GNG12: variants seen among roughly 807,000 people sequenced by gnomAD.
GNG12 encodes the protein G protein subunit gamma 12.
For missense variants in GNG12, 69 were observed against 83.8 expected (o/e 0.82, Z 0.69); for synonymous variants, 28 against 29.7 (o/e 0.94, Z 0.19).
intron 1 of GNG12, among the ~76,000 whole-genome samples, chr1:67,820,267 T>C (rs1301084147): frequency 1.3e-5 from 2 of 151,920 alleles, no homozygotes; most frequent in African/African-American, 2.4e-5. Flanking sequence ...CATATGCCTA[T>C]AGTCCCAGTT....
chr1:67,705,386 C>T lies in GNG12; in HGVS notation c.*65G>A. On this transcript the variant is annotated 3_prime_UTR_variant, in exon 4 of 4. Coordinates refer to ENST00000370982, the MANE Select transcript of GNG12 (RefSeq NM_018841.6). The stretch of plus-strand genomic sequence containing the variant: ...GTTACCAAATAAGCTGAAGGTAAAT[C>T]TCTTCAAGGAGCTGCTCATAATTTG... The T allele has an allele frequency of 1.3e-6, 2 of 1,579,422 alleles. No homozygotes were observed. The highest frequency in any genetic ancestry group is 1.7e-6 in the Non-Finnish European group (2 of 1,164,768).
intron 1 of GNG12, among the ~76,000 whole-genome samples, chr1:67,806,502 A>G (rs937037299): frequency 5.3e-5 from 8 of 152,104 alleles, no homozygotes; most frequent in Admixed American, 4.6e-4. Flanking sequence ...TGTGGGACTT[A>G]AGTATGTACA....
intron 1 of GNG12, among the ~76,000 whole-genome samples, chr1:67,816,294 A>ATAGAGCGTGCT (rs1646953566): frequency 6.6e-6 from 1 of 152,200 alleles, no homozygotes; most frequent in South Asian, 2.1e-4. Context: ...TAACTGGAGC[A>ATAGAGCGTGCT]TAGAGCGTGC....
intron 3 of GNG12, among the ~76,000 whole-genome samples, 154 bp downstream of exon 3, chr1:67,707,440 T>C (rs1488062837): frequency 1.3e-5 from 2 of 152,012 alleles, no homozygotes; most frequent in Admixed American, 1.3e-4. Context: ...TATAGGAAAA[T>C]GAAAGTTAGG....
chr1:67,825,163 CA>C (rs1405496721), intron 1 of GNG12, among the ~76,000 whole-genome samples: 1 of 152,232 alleles, frequency 6.6e-6, no homozygotes, highest in Non-Finnish European at 1.5e-5. Flanking sequence ...ACTATAAACA[CA>C]ACAGGTGAAT....
chr1:67,772,241 G>A (rs1646679021), intron 2 of GNG12, among the ~76,000 whole-genome samples: 1 of 152,182 alleles, frequency 6.6e-6, no homozygotes, highest in South Asian at 2.1e-4. Context: ...ATAGTCTCCA[G>A]ATTAAGAACT....
chr1:67,832,767 C>A (rs534107020), intron 1 of GNG12, among the ~76,000 whole-genome samples: 1 of 152,186 alleles, frequency 6.6e-6, no homozygotes, highest in African/African-American at 2.4e-5. Context: ...CCCTGCTAGA[C>A]CCCCAGCGCC....
At chr1:67,707,529 G>T (rs1048337077) in intron 3 of GNG12, 65 bp downstream of exon 3, 1 of 867,100 alleles carries the variant, frequency 1.2e-6, no homozygotes. Context: ...CTGACAAGTG[G>T]TCCAGCCACA....
At chr1:67,828,559 C>T (rs1381391220) in intron 1 of GNG12, among the ~76,000 whole-genome samples, 1 of 152,174 alleles carries the variant, frequency 6.6e-6, no homozygotes, top group East Asian at 1.9e-4. Flanking sequence ...AGAAAGGGCT[C>T]AGGATATATA....
At chr1:67,773,258 A>G (rs897207472) in intron 2 of GNG12, among the ~76,000 whole-genome samples, 1 of 152,246 alleles carries the variant, frequency 6.6e-6, no homozygotes, top group African/African-American at 2.4e-5. Flanking sequence ...ATTGTTGCAA[A>G]AAAGTCTAGG....
At chr1:67,807,039 A>AT (rs927099662) in intron 1 of GNG12, among the ~76,000 whole-genome samples, 9 of 152,212 alleles carry the variant, frequency 5.9e-5, no homozygotes, top group Admixed American at 1.3e-4. Flanking sequence ...ACACTGGGCC[A>AT]TAAAAAAAAC....
At chr1:67,771,802 A>G (rs898225476) in intron 2 of GNG12, among the ~76,000 whole-genome samples, 2 of 152,214 alleles carry the variant, frequency 1.3e-5, no homozygotes, top group Admixed American at 6.5e-5. Flanking sequence ...AATCATGTGT[A>G]TAAATATAGA....
chr1:67,723,258 T>C (rs1308338280), intron 2 of GNG12, among the ~76,000 whole-genome samples: 1 of 152,146 alleles, frequency 6.6e-6, no homozygotes, highest in Non-Finnish European at 1.5e-5. Flanking sequence ...GAGGATGGCT[T>C]TGAGCCTTTC....
chr1:67,798,236 C>A (rs947246351), intron 1 of GNG12, among the ~76,000 whole-genome samples: 1 of 152,084 alleles, frequency 6.6e-6, no homozygotes, highest in Non-Finnish European at 1.5e-5. Flanking sequence ...GTGGACTCAG[C>A]GGCAGCATCA....
chr1:67,717,662 C>T (rs1570481652), intron 2 of GNG12, among the ~76,000 whole-genome samples: 1 of 152,152 alleles, frequency 6.6e-6, no homozygotes, highest in Non-Finnish European at 1.5e-5. Flanking sequence ...TAACATACTT[C>T]TTTGCTACAA....
chr1:67,787,210 T>C (rs1163058808), intron 1 of GNG12, among the ~76,000 whole-genome samples: 1 of 151,814 alleles, frequency 6.6e-6, no homozygotes, highest in Non-Finnish European at 1.5e-5. Context: ...CAGTCTGGAA[T>C]GATCATAGAA....
At chr1:67,755,151 TAGG>T (rs1418578890) in intron 2 of GNG12, among the ~76,000 whole-genome samples, 1 of 152,260 alleles carries the variant, frequency 6.6e-6, no homozygotes, top group Middle Eastern at 3.2e-3. Context: ...TTTCTGTACC[TAGG>T]AGGAGAGCTT....
At chr1:67,801,662 C>T (rs1441141531) in intron 1 of GNG12, among the ~76,000 whole-genome samples, 5 of 152,184 alleles carry the variant, frequency 3.3e-5, no homozygotes, top group Admixed American at 3.3e-4. Context: ...CCTATTTCAG[C>T]ATTCTCAGTG....
intron 1 of GNG12, among the ~76,000 whole-genome samples, chr1:67,825,276 CA>C (rs907711755): frequency 3.3e-5 from 5 of 152,168 alleles, no homozygotes; most frequent in African/African-American, 1.2e-4. Context: ...TGCATTTAAC[CA>C]GGTTAAATGT....
Sources: gnomAD v4.1 joint callset for allele counts (sites outside exome capture counted in the v4.1 genomes callset) on GRCh38, gnomAD v4.1.1 for gene constraint, MANE v1.5 for transcripts, NCBI Gene and HGNC (gene_info 2026-07-23, HGNC 2026-07-21) for gene names.